Variants in QTMAN observed in about 807,000 individuals in gnomAD.
QTMAN encodes tRNA-queuosine alpha-mannosyltransferase.
chr2:144,136,653 G>C, the QTMAN span, among the ~76,000 whole-genome samples: 1 of 151,994 alleles, frequency 6.6e-6, no homozygotes, highest in Non-Finnish European at 1.5e-5. Context: ...GCTTCCTTTA[G>C]CATCTAGTTT....
the QTMAN span, among the ~76,000 whole-genome samples, chr2:144,278,586 T>C: frequency 3.3e-5 from 5 of 151,554 alleles, no homozygotes; most frequent in African/African-American, 4.9e-5. Flanking sequence ...GAAGAGAAAC[T>C]TGCCCAAGAT....
chr2:144,281,081 C>A, the QTMAN span, among the ~76,000 whole-genome samples: 148 of 142,790 alleles, frequency 1.0e-3, no homozygotes, highest in Middle Eastern at 3.4e-3. Flanking sequence ...CAACAGTCCC[C>A]GGTGTGTGAT....
chr2:144,166,646 A>G, the QTMAN span, among the ~76,000 whole-genome samples: 105 of 152,366 alleles, frequency 6.9e-4, no homozygotes, highest in African/African-American at 2.4e-3. Context: ...TCATACCAGT[A>G]AAATATACCC....
At chr2:143,970,809 T>C in the QTMAN span, 1 of 1,072,386 alleles carries the variant, frequency 9.3e-7, no homozygotes, top group Middle Eastern at 2.0e-4. Context: ...TTAGGGCATG[T>C]GTTAGGAAAA....
chr2:144,196,216 CACACA>C, the QTMAN span, among the ~76,000 whole-genome samples: 1 of 37,478 alleles, frequency 2.7e-5, no homozygotes, highest in African/African-American at 2.4e-4. Context: ...CACATAGCCA[CACACA>C]CACACACACA....
chr2:144,302,130 T>A, the QTMAN span, among the ~76,000 whole-genome samples: 1 of 152,078 alleles, frequency 6.6e-6, no homozygotes, highest in Non-Finnish European at 1.5e-5. Context: ...ATGGCACTCA[T>A]CTCCACACTT....
the QTMAN span, among the ~76,000 whole-genome samples, chr2:144,293,096 A>G: frequency 6.6e-6 from 1 of 152,344 alleles, no homozygotes; most frequent in South Asian, 2.1e-4. Flanking sequence ...CAAATCATAA[A>G]CTAAAAAAGA....
the QTMAN span, among the ~76,000 whole-genome samples, chr2:144,179,357 T>C: frequency 6.6e-6 from 1 of 152,232 alleles, no homozygotes; most frequent in African/African-American, 2.4e-5. Flanking sequence ...AAAATAATTA[T>C]GCTTTGCTTG....
the QTMAN span, among the ~76,000 whole-genome samples, chr2:144,329,727 A>G: frequency 6.6e-6 from 1 of 152,186 alleles, no homozygotes; most frequent in South Asian, 2.1e-4. Flanking sequence ...ACCTCTTTCA[A>G]TATTGGAATT....
At chr2:144,097,890 C>G in the QTMAN span, among the ~76,000 whole-genome samples, 1 of 152,200 alleles carries the variant, frequency 6.6e-6, no homozygotes, top group Admixed American at 6.5e-5. Flanking sequence ...GGGATGTTTA[C>G]ACTGAAGCTT....
the QTMAN span, among the ~76,000 whole-genome samples, chr2:144,083,707 T>A: frequency 6.6e-6 from 1 of 152,168 alleles, no homozygotes; most frequent in Non-Finnish European, 1.5e-5. Flanking sequence ...ACATTGTGCC[T>A]ATCCCAGGTG....
At chr2:144,295,886 C>T in the QTMAN span, among the ~76,000 whole-genome samples, 1 of 152,176 alleles carries the variant, frequency 6.6e-6, no homozygotes, top group Non-Finnish European at 1.5e-5. Flanking sequence ...GGGCATGAAC[C>T]ACTGAGCCTG....
At chr2:144,122,971 T>A in the QTMAN span, among the ~76,000 whole-genome samples, 1 of 151,996 alleles carries the variant, frequency 6.6e-6, no homozygotes. Context: ...GACACACACA[T>A]ACACACACGC....
At chr2:144,229,848 C>A in the QTMAN span, among the ~76,000 whole-genome samples, 1 of 152,242 alleles carries the variant, frequency 6.6e-6, no homozygotes, top group Non-Finnish European at 1.5e-5. Flanking sequence ...ATATTCCTTA[C>A]CATCAGTCAC....
At chr2:144,120,894 C>T in the QTMAN span, among the ~76,000 whole-genome samples, 1 of 152,198 alleles carries the variant, frequency 6.6e-6, no homozygotes, top group Non-Finnish European at 1.5e-5. Context: ...AACCAACTCA[C>T]TTTCTCTACA....
chr2:144,007,155 T>C, the QTMAN span: 5 of 1,318,798 alleles, frequency 3.8e-6, no homozygotes, highest in Admixed American at 8.3e-5. Context: ...TCTACAACTC[T>C]TACTAAATTG....
At chr2:143,949,221 T>A in the QTMAN span, among the ~76,000 whole-genome samples, 134 of 151,998 alleles carry the variant, frequency 8.8e-4, no homozygotes, top group Admixed American at 3.5e-3. Flanking sequence ...AGGTGGGAAG[T>A]CATGGACACA....
At chr2:144,262,357 A>G in the QTMAN span, among the ~76,000 whole-genome samples, 3 of 152,064 alleles carry the variant, frequency 2.0e-5, no homozygotes, top group African/African-American at 7.2e-5. Context: ...AAAGAGTTCC[A>G]AACCAGCCTG....
the QTMAN span, among the ~76,000 whole-genome samples, chr2:144,177,593 A>G: frequency 6.6e-6 from 1 of 152,172 alleles, no homozygotes; most frequent in Non-Finnish European, 1.5e-5. Flanking sequence ...AGACATCTGG[A>G]GGAAAAACAA....
Sources: allele counts gnomAD v4.1 joint callset (sites outside exome capture counted in the v4.1 genomes callset), GRCh38; gene constraint gnomAD v4.1.1; transcripts MANE v1.5; gene names NCBI Gene and HGNC (gene_info 2026-07-23, HGNC 2026-07-21).